GRID1: variants seen among roughly 807,000 people sequenced by gnomAD.
The protein encoded by GRID1 is glutamate receptor ionotropic, delta-1.
Under a neutral mutation model 98.0 loss-of-function variants are expected in GRID1, and 28 were observed. The observed-to-expected ratio is 0.29, with a 90% CI of 0.21 to 0.39. The LOEUF (loss-of-function observed/expected upper bound fraction) is 0.39, where lower values mean the gene tolerates loss of function less well. Among genes scored for constraint, GRID1 ranks in the 10% least tolerant of loss-of-function variants. The probability of loss-of-function intolerance (pLI) is 1.00; values close to 1 mark genes in which losing one functional copy is unlikely to be tolerated. For synonymous variants in GRID1, 553 were observed against 538.5 expected, an observed-to-expected ratio of 1.03 and a Z score of -0.37; for missense variants, 1,111 against 1,340.5, an observed-to-expected ratio of 0.83 and a Z score of 2.67.
intron 5 of GRID1, among the ~76,000 whole-genome samples, chr10:85,880,017 T>A (rs928064645): frequency 9.9e-5 from 15 of 151,984 alleles, no homozygotes; most frequent in African/African-American, 3.4e-4. Context: ...AACTAGAAAA[T>A]CTAGAAGAAA....
In GRID1 at chr10:85,965,933, C is replaced by T. The variant is rs140937662; in HGVS notation, c.727-49694G>A. Among the ~76,000 whole-genome samples the T allele has an allele frequency of 1.7e-3, 255 of 152,224 alleles. 3 individuals carry two copies. Among genetic ancestry groups the T allele is most frequent in the African/African-American group, 6.0e-3 (248 of 41,532 alleles). On this transcript the variant is annotated intron_variant, in intron 4 of 15. Coordinates refer to ENST00000327946, the MANE Select transcript of GRID1 (RefSeq NM_017551.3). ...CTAGATCTACTCCCACCACCTCCTC[C>T]CCAGCTCCAGAGTAGCCTTAAAAAC...
At chr10:85,881,846 A>C (rs1009244499) in intron 5 of GRID1, among the ~76,000 whole-genome samples, 4 of 152,174 alleles carry the variant, frequency 2.6e-5, no homozygotes, top group African/African-American at 7.2e-5. Flanking sequence ...CAACCTACAG[A>C]ATGGGAGAAA....
intron 4 of GRID1, among the ~76,000 whole-genome samples, chr10:85,953,079 A>G (rs1205673319): frequency 7.9e-5 from 12 of 152,162 alleles, no homozygotes; most frequent in Non-Finnish European, 1.8e-4. Context: ...ATTATCAGTA[A>G]GGTTTCTTAT....
intron 8 of GRID1, among the ~76,000 whole-genome samples, chr10:85,785,924 ACACATCACACG>A (rs1842424399): frequency 6.6e-6 from 1 of 151,810 alleles, no homozygotes; most frequent in Non-Finnish European, 1.5e-5. Context: ...ACAGACACAC[ACACATCACACG>A]CACACACCAC....
chr10:85,760,976 T>G (rs6585978), intron 8 of GRID1, among the ~76,000 whole-genome samples: 6,914 of 152,246 alleles, frequency 0.045, 383 homozygotes, highest in African/African-American at 0.12. Flanking sequence ...TTCAGCACCA[T>G]GCACTGAGAA....
At chr10:86,173,249 G>C (rs1377566465) in intron 3 of GRID1, among the ~76,000 whole-genome samples, 1 of 152,182 alleles carries the variant, frequency 6.6e-6, no homozygotes, top group African/African-American at 2.4e-5. Context: ...ATGTTGCCCA[G>C]GCTGGTCTCA....
intron 4 of GRID1, among the ~76,000 whole-genome samples, chr10:85,973,838 A>C (rs1589319853): frequency 6.6e-6 from 1 of 152,262 alleles, no homozygotes; most frequent in South Asian, 2.1e-4. Context: ...AAAGAGCCAA[A>C]GAGCATGGGT....
rs529156912 is a variant in GRID1 at position 85,813,627 on chromosome 10, T to C, written c.1233+40869A>G. Among the ~76,000 whole-genome samples the C allele has an allele frequency of 1.4e-4, 21 of 152,036 alleles. 1 individual carries two copies. Among genetic ancestry groups the C allele is most frequent in the Admixed American group, 5.9e-4 (9 of 15,272 alleles). ...TTTAAAATTTGCTTTAAAACATTTT[T>C]TAAAAACTTATGTTTAAAAAAATTC... is the stretch of plus-strand genomic sequence containing the variant. On this transcript the variant is annotated intron_variant, in intron 8 of 15. Coordinates refer to ENST00000327946, the MANE Select transcript of GRID1 (RefSeq NM_017551.3).
intron 4 of GRID1, among the ~76,000 whole-genome samples, chr10:86,118,198 T>C (rs942320833): frequency 9.8e-5 from 15 of 152,290 alleles, no homozygotes; most frequent in South Asian, 2.1e-4. Context: ...TGGATGGAAC[T>C]GGAGACTGTT....
At chr10:86,193,653 C>A (rs966123956) in intron 3 of GRID1, among the ~76,000 whole-genome samples, 1 of 152,048 alleles carries the variant, frequency 6.6e-6, no homozygotes, top group Admixed American at 6.6e-5. Flanking sequence ...ATTCTCTGCA[C>A]CATTTCCTCA....
chr10:85,693,053 C>A (rs954794351), intron 12 of GRID1, among the ~76,000 whole-genome samples: 2 of 152,134 alleles, frequency 1.3e-5, no homozygotes, highest in African/African-American at 4.8e-5. Context: ...GAATTTTGTA[C>A]TTACAATATG....
chr10:86,021,330 C>T (rs527608512), intron 4 of GRID1, among the ~76,000 whole-genome samples: 3 of 152,252 alleles, frequency 2.0e-5, no homozygotes, highest in Admixed American at 6.5e-5. Flanking sequence ...CTATAATGTG[C>T]TCAACAATGC....
intron 4 of GRID1, among the ~76,000 whole-genome samples, chr10:85,937,886 G>A (rs1442034155): frequency 1.3e-5 from 2 of 152,082 alleles, no homozygotes; most frequent in Non-Finnish European, 2.9e-5. Context: ...AGAAAACCAG[G>A]GCTAGCTTAA....
chr10:86,057,015 C>T (rs1204739051), intron 4 of GRID1, among the ~76,000 whole-genome samples: 1 of 152,208 alleles, frequency 6.6e-6, no homozygotes, highest in Non-Finnish European at 1.5e-5. Flanking sequence ...GTTCCTTCAG[C>T]ACATCCATAA....
chr10:85,731,829 A>G (rs1841827676), intron 8 of GRID1, among the ~76,000 whole-genome samples: 1 of 123,044 alleles, frequency 8.1e-6, no homozygotes, highest in Non-Finnish European at 1.6e-5. Flanking sequence ...AGAAGGAAGG[A>G]AGGAAGGGAG....
intron 2 of GRID1, among the ~76,000 whole-genome samples, chr10:86,267,470 T>C (rs1847121512): frequency 6.6e-6 from 1 of 152,218 alleles, no homozygotes; most frequent in African/African-American, 2.4e-5. Context: ...TACATCTCCC[T>C]GGCAACCCAG....
At chr10:85,899,472 A>G (rs1841347982) in intron 5 of GRID1, among the ~76,000 whole-genome samples, 1 of 152,194 alleles carries the variant, frequency 6.6e-6, no homozygotes, top group Non-Finnish European at 1.5e-5. Flanking sequence ...TCTATGATTG[A>G]TCTTGTTAGT....
chr10:86,246,009 C>T (rs1846720995), intron 2 of GRID1, among the ~76,000 whole-genome samples: 2 of 152,224 alleles, frequency 1.3e-5, no homozygotes, highest in Non-Finnish European at 2.9e-5. Flanking sequence ...GAGAGGTGAA[C>T]CAAAAGCTGG....
chr10:85,637,176 C>T (rs1008197220), intron 13 of GRID1, among the ~76,000 whole-genome samples: 3 of 152,006 alleles, frequency 2.0e-5, no homozygotes, highest in Non-Finnish European at 2.9e-5. Flanking sequence ...TTATATAAAA[C>T]GTTTGTAGAA....
Sources: gnomAD v4.1 joint callset for allele counts (sites outside exome capture counted in the v4.1 genomes callset) on GRCh38, gnomAD v4.1.1 for gene constraint, MANE v1.5 for transcripts, NCBI Gene and HGNC (gene_info 2026-07-23, HGNC 2026-07-21) for gene names.